DLG1: variants seen among roughly 807,000 people sequenced by gnomAD.
DLG1 encodes discs large MAGUK scaffold protein 1, also known as disks large homolog 1.
DLG1 carries 42 observed loss-of-function variants against 123.4 expected under a neutral mutation model. The ratio of observed to expected loss-of-function variants is 0.34; its 90% CI spans 0.27 to 0.44. The LOEUF (loss-of-function observed/expected upper bound fraction) is 0.44. Ranked by LOEUF, DLG1 falls within the 20% of genes least tolerant of loss-of-function variation. The pLI is 1.00. For synonymous variants in DLG1, 317 were observed against 356.2 expected (o/e 0.89, Z 1.24); for missense variants, 942 against 1,082.6 (o/e 0.87, Z 1.82).
At chr3:197,295,614 A>G (rs1164392993) in intron 3 of DLG1, among the ~76,000 whole-genome samples, 1 of 152,204 alleles carries the variant, frequency 6.6e-6, no homozygotes, top group Non-Finnish European at 1.5e-5. Flanking sequence ...GATTATACAC[A>G]AAATATGAGA....
chr3:197,051,316 G>A (rs1244105959), intron 24 of DLG1, among the ~76,000 whole-genome samples: 4 of 148,844 alleles, frequency 2.7e-5, no homozygotes, highest in Non-Finnish European at 6.0e-5. Context: ...CCAGCTACTC[G>A]GGAGGCTGAG....
intron 4 of DLG1, among the ~76,000 whole-genome samples, chr3:197,269,000 G>T (rs939272497): frequency 6.6e-6 from 1 of 152,134 alleles, no homozygotes; most frequent in African/African-American, 2.4e-5. Flanking sequence ...TAGCATGCAT[G>T]GAGCTATCGC....
chr3:197,251,344 G>C (rs1310134640), intron 4 of DLG1, among the ~76,000 whole-genome samples: 1 of 152,036 alleles, frequency 6.6e-6, no homozygotes, highest in East Asian at 1.9e-4. Context: ...GACCCCAAAT[G>C]GTCAAGGCAA....
At chr3:197,282,089 C>T (rs1397187875) in intron 4 of DLG1, among the ~76,000 whole-genome samples, 1 of 152,160 alleles carries the variant, frequency 6.6e-6, no homozygotes, top group Non-Finnish European at 1.5e-5. Context: ...TGCTTCATAC[C>T]TCTGCTATAC....
chr3:197,150,341 T>C (rs1219732431), intron 5 of DLG1, among the ~76,000 whole-genome samples: 2 of 152,118 alleles, frequency 1.3e-5, no homozygotes, highest in African/African-American at 4.8e-5. Flanking sequence ...CCAGTTATTC[T>C]AGACCACTCA....
chr3:197,114,239 C>G lies in DLG1; in HGVS notation c.1443+1688G>C, dbSNP rs868137005. Among the ~76,000 whole-genome samples the G allele has an allele frequency of 5.0e-4, 76 of 152,138 alleles. 1 individual carries two copies. Among genetic ancestry groups the G allele is most frequent in the African/African-American group, 1.6e-3 (68 of 41,410 alleles). ...GATGAAAGACATGACTCCTCTGACT[C>G]AGTAGGCATAATGAATCCCAAACAC... On this transcript the variant is annotated intron_variant, in intron 13 of 24. Transcript: ENST00000667157.
intron 4 of DLG1, among the ~76,000 whole-genome samples, chr3:197,267,045 CAG>C (rs1431042650): frequency 6.6e-6 from 1 of 152,120 alleles, no homozygotes; most frequent in African/African-American, 2.4e-5. Context: ...AAATTCAAGA[CAG>C]AGGTTAATTC....
chr3:197,117,717 T>C (rs963846559), intron 12 of DLG1, among the ~76,000 whole-genome samples: 1 of 152,196 alleles, frequency 6.6e-6, no homozygotes, highest in African/African-American at 2.4e-5. Flanking sequence ...AGAGTTTGTC[T>C]GAAGTAATGA....
At chr3:197,178,791 T>A (rs1202316424) in intron 5 of DLG1, among the ~76,000 whole-genome samples, 2 of 152,124 alleles carry the variant, frequency 1.3e-5, no homozygotes, top group East Asian at 3.8e-4. Flanking sequence ...TAGGGTCAAG[T>A]AAAATGAACA....
intron 4 of DLG1, among the ~76,000 whole-genome samples, chr3:197,260,680 G>C (rs79745432): frequency 1.5e-5 from 2 of 135,854 alleles, no homozygotes. Context: ...CCACAAAGAG[G>C]TTCCCCCGAT....
chr3:197,270,782 C>T (rs1026042178), intron 4 of DLG1, among the ~76,000 whole-genome samples: 1 of 152,136 alleles, frequency 6.6e-6, no homozygotes, highest in African/African-American at 2.4e-5. Context: ...TATTGTGAGC[C>T]TCCTGATGAT....
intron 3 of DLG1, among the ~76,000 whole-genome samples, chr3:197,283,385 C>G (rs1420394269): frequency 1.3e-5 from 2 of 151,960 alleles, no homozygotes; most frequent in Non-Finnish European, 2.9e-5. Flanking sequence ...AAATTAAAAT[C>G]AAAGAACTAG....
intron 4 of DLG1, among the ~76,000 whole-genome samples, chr3:197,264,903 T>C (rs990657033): frequency 2.6e-5 from 4 of 152,232 alleles, no homozygotes; most frequent in African/African-American, 7.2e-5. Flanking sequence ...CCCTGTACTG[T>C]AGGCGTGTAT....
chr3:197,199,226 T>A (rs1381607902), intron 4 of DLG1, among the ~76,000 whole-genome samples: 1 of 152,164 alleles, frequency 6.6e-6, no homozygotes, highest in Non-Finnish European at 1.5e-5. Context: ...AGAAAACCTT[T>A]TATAAAAATA....
intron 18 of DLG1, among the ~76,000 whole-genome samples, chr3:197,073,711 A>G (rs1745489229): frequency 6.6e-6 from 1 of 152,212 alleles, no homozygotes; most frequent in South Asian, 2.1e-4. Context: ...GGTCTACACA[A>G]AGCGTTCTAT....
At chr3:197,224,996 G>C (rs1203333123) in intron 4 of DLG1, among the ~76,000 whole-genome samples, 1 of 152,180 alleles carries the variant, frequency 6.6e-6, no homozygotes, top group South Asian at 2.1e-4. Context: ...TCGCTCTGTG[G>C]CCCAGGCCGG....
rs539989659 is a variant in DLG1 at position 197,259,724 on chromosome 3, A to G, written c.318+22955T>C. On this transcript the variant is annotated intron_variant, in intron 4 of 24. Coordinates refer to ENST00000667157, the MANE Select transcript of DLG1 (RefSeq NM_001366207.1). ...TGCTGCACTTTGAACACAATGAGCA[A>G]AACAGACTTCAAAACAAGTACTTTC... 2.0e-5 allele frequency among the ~76,000 whole-genome samples: 3 copies of G among 152,308 alleles called. No homozygotes were observed. In the East Asian group the frequency reaches 5.8e-4, roughly 29 times the overall value.
intron 4 of DLG1, among the ~76,000 whole-genome samples, chr3:197,280,353 G>A (rs966361004): frequency 6.6e-6 from 1 of 151,832 alleles, no homozygotes; most frequent in Non-Finnish European, 1.5e-5. Flanking sequence ...GTGTGTGTGT[G>A]TGTGTGTGTG....
intron 19 of DLG1, chr3:197,068,465 T>C (rs377175852): frequency 7.1e-6 from 10 of 1,417,782 alleles, no homozygotes; most frequent in Non-Finnish European, 9.8e-6. Flanking sequence ...ACTGTCAACA[T>C]GAAAAAGTAT....
Sources: allele counts gnomAD v4.1 joint callset (sites outside exome capture counted in the v4.1 genomes callset), GRCh38; gene constraint gnomAD v4.1.1; transcripts MANE v1.5; gene names NCBI Gene and HGNC (gene_info 2026-07-23, HGNC 2026-07-21).